SPECC1L: variants seen among roughly 807,000 people sequenced by gnomAD.
SPECC1L encodes the protein cytospin-A.
SPECC1L carries 40 observed loss-of-function variants against 116.8 expected under a neutral mutation model. The ratio of observed to expected loss-of-function variants is 0.34; its 90% CI spans 0.27 to 0.45. SPECC1L has a LOEUF of 0.45. Among genes scored for constraint, SPECC1L ranks in the 20% least tolerant of loss-of-function variants. The pLI is 1.00. For missense variants in SPECC1L, 1,110 were observed against 1,373.6 expected (o/e 0.81, Z 3.03); for synonymous variants, 504 against 500.6 (o/e 1.01, Z -0.09).
At chr22:24,363,734 G>A (rs529801986) in intron 12 of SPECC1L, among the ~76,000 whole-genome samples, 3 of 151,916 alleles carry the variant, frequency 2.0e-5, no homozygotes, top group South Asian at 2.1e-4. Flanking sequence ...GACATTGAAC[G>A]AAAAAGACAT....
At chr22:24,278,403 C>A (rs1307869482) in intron 2 of SPECC1L, among the ~76,000 whole-genome samples, 4 of 151,998 alleles carry the variant, frequency 2.6e-5, no homozygotes, top group Non-Finnish European at 4.4e-5. Context: ...TGACACTTTT[C>A]TTCTTGTTTT....
chr22:24,364,951 A>G (rs1250098527), intron 12 of SPECC1L, among the ~76,000 whole-genome samples: 1 of 152,146 alleles, frequency 6.6e-6, no homozygotes, highest in Non-Finnish European at 1.5e-5. Flanking sequence ...CTTGTCTATA[A>G]GGAATATGGA....
chr22:24,338,787 G>T (rs1014213424), intron 10 of SPECC1L, among the ~76,000 whole-genome samples: 1 of 152,108 alleles, frequency 6.6e-6, no homozygotes, highest in African/African-American at 2.4e-5. Flanking sequence ...TGGGTATTAG[G>T]TACTGTTCTT....
chr22:24,319,148 A>G (rs1478141850), intron 4 of SPECC1L, among the ~76,000 whole-genome samples: 1 of 152,156 alleles, frequency 6.6e-6, no homozygotes, highest in East Asian at 1.9e-4. Flanking sequence ...TAGAATCTGT[A>G]TTAGTCCATT....
intron 11 of SPECC1L, among the ~76,000 whole-genome samples, chr22:24,361,841 AAAGAAG>A (rs567091326): frequency 1.3e-5 from 2 of 151,900 alleles, no homozygotes; most frequent in Non-Finnish European, 2.9e-5. Context: ...AGAGAGAGAG[AAAGAAG>A]AAGAAGAGGA....
intron 11 of SPECC1L, among the ~76,000 whole-genome samples, chr22:24,358,228 C>T (rs1014793822): frequency 1.3e-5 from 2 of 151,358 alleles, no homozygotes; most frequent in Non-Finnish European, 2.9e-5. Flanking sequence ...TGTCCTCCCA[C>T]GTCAGTCCCC....
chr22:24,310,910 C>G (rs1037206976), intron 3 of SPECC1L, among the ~76,000 whole-genome samples: 1 of 151,986 alleles, frequency 6.6e-6, no homozygotes, highest in Admixed American at 6.5e-5. Flanking sequence ...GATTTAAAAT[C>G]GTAGTTAGAA....
chr22:24,327,766 A>G lies in SPECC1L; in HGVS notation c.2147-1080A>G, dbSNP rs62233122. Among the ~76,000 whole-genome samples, 1,186 of 152,292 alleles carry G rather than the reference A, an allele frequency of 7.8e-3. 9 individuals are homozygous for G. The highest frequency in any genetic ancestry group is 0.024 in the South Asian group (117 of 4,822). On this transcript the variant is annotated intron_variant, in intron 6 of 16. Coordinates refer to ENST00000314328, the MANE Select transcript of SPECC1L (RefSeq NM_015330.6). ...TAAAGATACCATATTCCAACTACTG[A>G]GTCTGTGAGGTCATCACATGGCTTC...
At chr22:24,404,821 A>G (rs2042554765) in intron 14 of SPECC1L, among the ~76,000 whole-genome samples, 1 of 152,236 alleles carries the variant, frequency 6.6e-6, no homozygotes, top group Middle Eastern at 3.4e-3. Flanking sequence ...TGAGTGTGCA[A>G]ATGAATCCTC....
chr22:24,338,265 C>A, intron 9 of SPECC1L, 121 bp from the exon 10 acceptor site: 1 of 959,362 alleles, frequency 1.0e-6, no homozygotes, highest in Non-Finnish European at 1.7e-6. Flanking sequence ...TAGACATCAG[C>A]CAAGACAGTG....
intron 11 of SPECC1L, among the ~76,000 whole-genome samples, chr22:24,358,007 A>G (rs1416720606): frequency 2.0e-5 from 3 of 149,376 alleles, no homozygotes; most frequent in Non-Finnish European, 4.5e-5. Context: ...GTAGGTTTCC[A>G]TTTCTTTTGA....
chr22:24,279,068 G>A (rs940778420), intron 2 of SPECC1L, among the ~76,000 whole-genome samples: 1 of 152,182 alleles, frequency 6.6e-6, no homozygotes, highest in African/African-American at 2.4e-5. Flanking sequence ...AGAGTACTTC[G>A]GGGGACGTGG....
chr22:24,407,886 T>G lies in SPECC1L; in HGVS notation c.3088-3702T>G, dbSNP rs186176104. ...CTTCTCTGTACCCTAATCCTAGACT[T>G]ACTTCACTGTGGAAAGGTGCACAGG... On this transcript the variant is annotated intron_variant, in intron 14 of 16. Coordinates refer to ENST00000314328, the MANE Select transcript of SPECC1L (RefSeq NM_015330.6). Among the ~76,000 whole-genome samples the G allele has an allele frequency of 2.0e-5, 3 of 152,322 alleles. No individual in the cohort carries two copies. The East Asian group carries it at 5.8e-4, about 29-fold the overall frequency.
intron 14 of SPECC1L, among the ~76,000 whole-genome samples, chr22:24,404,703 C>A (rs1033685807): frequency 7.9e-5 from 12 of 152,192 alleles, no homozygotes; most frequent in Non-Finnish European, 1.6e-4. Context: ...CCCAGTCCAG[C>A]CACTCTTCCC....
intron 11 of SPECC1L, 67 bp from the exon 12 acceptor site, chr22:24,363,194 T>G: frequency 7.1e-7 from 1 of 1,399,020 alleles, no homozygotes; most frequent in South Asian, 1.2e-5. Context: ...CTCACCTTCT[T>G]TGTACCTTTA....
chr22:24,300,500 A>G (rs2049356379), intron 2 of SPECC1L, among the ~76,000 whole-genome samples: 1 of 152,200 alleles, frequency 6.6e-6, no homozygotes, highest in Non-Finnish European at 1.5e-5. Context: ...ATACGCAATA[A>G]TGGGATTGCT....
chr22:24,401,261 G>A (rs2042467931), intron 14 of SPECC1L, among the ~76,000 whole-genome samples: 1 of 152,188 alleles, frequency 6.6e-6, no homozygotes, highest in Admixed American at 6.5e-5. Flanking sequence ...GAACGGGATT[G>A]ATTGTGCATC....
intron 14 of SPECC1L, among the ~76,000 whole-genome samples, chr22:24,397,608 A>G (rs1452205125): frequency 6.6e-6 from 1 of 152,228 alleles, no homozygotes; most frequent in Non-Finnish European, 1.5e-5. Flanking sequence ...GCAGTGGTCT[A>G]AATCTTTTTG....
chr22:24,326,659 C>T (rs1158544827), intron 6 of SPECC1L, among the ~76,000 whole-genome samples: 1 of 152,180 alleles, frequency 6.6e-6, no homozygotes, highest in Non-Finnish European at 1.5e-5. Context: ...TTATATCTTT[C>T]CTTTCCTTTA....
Sources: gnomAD v4.1 joint callset for allele counts (sites outside exome capture counted in the v4.1 genomes callset) on GRCh38, gnomAD v4.1.1 for gene constraint, MANE v1.5 for transcripts, NCBI Gene and HGNC (gene_info 2026-07-23, HGNC 2026-07-21) for gene names.